The following GRM8 variants were observed in gnomAD, a reference collection of about 807,000 sequenced individuals.
GRM8 encodes metabotropic glutamate receptor 8.
In GRM8, 47 loss-of-function variants were observed where a neutral mutation model predicts 87.2. That is an observed-to-expected ratio of 0.54 (90% confidence interval 0.43 to 0.69). GRM8 has a LOEUF of 0.69. Ranked by LOEUF, GRM8 falls within the 30% of genes least tolerant of loss-of-function variation. GRM8 has a pLI of 0.00. For missense variants in GRM8, 1,019 were observed against 1,139.2 expected, an observed-to-expected ratio of 0.89 and a Z score of 1.52; for synonymous variants, 396 against 404.5, an observed-to-expected ratio of 0.98 and a Z score of 0.25.
chr7:126,603,617 G>C (rs992354042), intron 8 of GRM8, among the ~76,000 whole-genome samples: 1 of 152,058 alleles, frequency 6.6e-6, no homozygotes, highest in African/African-American at 2.4e-5. Flanking sequence ...GGCATTTAAA[G>C]TTCTAACAGA....
At chr7:127,074,609 T>A (rs542882984) in intron 3 of GRM8, among the ~76,000 whole-genome samples, 8 of 152,254 alleles carry the variant, frequency 5.3e-5, no homozygotes, top group African/African-American at 1.9e-4. Context: ...CAGACATGCC[T>A]CTCGAGATAA....
intron 2 of GRM8, among the ~76,000 whole-genome samples, chr7:127,212,608 G>A (rs1442432213): frequency 1.1e-4 from 16 of 151,738 alleles, no homozygotes; most frequent in Admixed American, 1.1e-3. Context: ...TAGTAGAGAC[G>A]GGGTTTCACC....
intron 3 of GRM8, among the ~76,000 whole-genome samples, chr7:127,048,800 A>G (rs1250581954): frequency 6.6e-6 from 1 of 152,246 alleles, no homozygotes; most frequent in East Asian, 1.9e-4. Context: ...TAAGAGTTTC[A>G]TGATTTTAGA....
chr7:126,927,856 C>T (rs1431780133), intron 3 of GRM8, among the ~76,000 whole-genome samples: 2 of 152,120 alleles, frequency 1.3e-5, no homozygotes, highest in East Asian at 3.9e-4. Context: ...ACCCAGCAAT[C>T]CCATTACTGG....
At chr7:126,598,242 A>T (rs1797404292) in intron 8 of GRM8, among the ~76,000 whole-genome samples, 1 of 151,884 alleles carries the variant, frequency 6.6e-6, no homozygotes, top group Non-Finnish European at 1.5e-5. Context: ...TTATAATGAT[A>T]GGTTTTTAAT....
At chr7:126,751,041 T>TACTA (rs1563151476) in intron 7 of GRM8, among the ~76,000 whole-genome samples, 2 of 151,400 alleles carry the variant, frequency 1.3e-5, no homozygotes, top group Non-Finnish European at 3.0e-5. Flanking sequence ...TATCCCTACT[T>TACTA]TATATTATTT....
At chr7:126,848,737 C>T (rs561697704) in intron 6 of GRM8, among the ~76,000 whole-genome samples, 1 of 152,266 alleles carries the variant, frequency 6.6e-6, no homozygotes, top group East Asian at 1.9e-4. Flanking sequence ...AGGAGGATCA[C>T]TTGAGCCCAG....
chr7:126,933,033 G>A lies in GRM8; in HGVS notation c.728-28350C>T, dbSNP rs558526716. 3.9e-5 allele frequency among the ~76,000 whole-genome samples: 6 copies of A among 152,296 alleles called. No individual in the cohort carries two copies. In the South Asian group the frequency reaches 6.2e-4, roughly 16 times the overall value. ...ATCCAGGAAAGGCTAAAACCAGAAT[G>A]AGGATGACTCTGATAGTGAAAAGCC... On this transcript the variant is annotated intron_variant, in intron 3 of 10. Coordinates refer to ENST00000339582, the MANE Select transcript of GRM8 (RefSeq NM_000845.3).
At chr7:126,439,401 A>G (rs1801198837) in intron 10 of GRM8, among the ~76,000 whole-genome samples, 1 of 152,148 alleles carries the variant, frequency 6.6e-6, no homozygotes, top group Non-Finnish European at 1.5e-5. Context: ...GAGCTGAAAA[A>G]TTCCTATCAC....
chr7:126,880,122 A>G (rs986038711), intron 6 of GRM8, among the ~76,000 whole-genome samples: 2 of 152,210 alleles, frequency 1.3e-5, no homozygotes, highest in Admixed American at 6.5e-5. Flanking sequence ...CTCTTGGGTA[A>G]AACATAAACG....
intron 6 of GRM8, among the ~76,000 whole-genome samples, chr7:126,902,267 T>C (rs558198463): frequency 1.3e-3 from 205 of 152,260 alleles, no homozygotes; most frequent in Non-Finnish European, 2.5e-3. Flanking sequence ...TAAAGTACAT[T>C]TTCCAAAGTA....
chr7:126,491,597 CAAT>C (rs1216969098), intron 9 of GRM8, among the ~76,000 whole-genome samples: 2 of 151,970 alleles, frequency 1.3e-5, no homozygotes, highest in African/African-American at 2.4e-5. Flanking sequence ...ATACAAACAA[CAAT>C]GAATGGGAAA....
chr7:127,204,461 CAG>C (rs1327380385), intron 2 of GRM8, among the ~76,000 whole-genome samples: 2 of 152,206 alleles, frequency 1.3e-5, no homozygotes, highest in African/African-American at 2.4e-5. Context: ...GTTCACTTTA[CAG>C]AGTGTTCAGA....
At chr7:126,441,700 T>C (rs1478451311) in intron 10 of GRM8, among the ~76,000 whole-genome samples, 3 of 152,096 alleles carry the variant, frequency 2.0e-5, no homozygotes, top group Non-Finnish European at 4.4e-5. Flanking sequence ...ACAATCAGAC[T>C]CATTCCATCT....
At position 127,076,093 on chromosome 7, in the gene GRM8, G is replaced by C. The variant is rs1000062716; in HGVS notation, c.727+30403C>G. On this transcript the variant is annotated intron_variant, in intron 3 of 10. Transcript: ENST00000339582. ...ATGTAAGAAGAAGAAACTTGAGAAA[G>C]GTGGTCAGTAGAGAGCCTCTTCGAC... 7.5e-5 allele frequency: 33 copies of C among 442,662 alleles called. No individual in the cohort carries two copies. In the Admixed American group the frequency reaches 7.5e-4, roughly 10 times the overall value. The allele number at this position is 442,662 out of a possible 1,614,324, so 27.4% of individuals were successfully genotyped here. A position where few individuals can be genotyped will look rare whatever the true frequency, so the allele number is the denominator to read the frequency against.
chr7:126,787,844 TA>T (rs1820787357), intron 6 of GRM8, among the ~76,000 whole-genome samples: 1 of 152,116 alleles, frequency 6.6e-6, no homozygotes, highest in African/African-American at 2.4e-5. Flanking sequence ...TTAACTAGGG[TA>T]AATTCTACTG....
At chr7:126,768,245 T>G (rs1403525171) in intron 7 of GRM8, among the ~76,000 whole-genome samples, 5 of 149,492 alleles carry the variant, frequency 3.3e-5, no homozygotes, top group Non-Finnish European at 4.4e-5. Context: ...ACCTAAGTTC[T>G]CCAGGAAACT....
chr7:127,027,875 A>G (rs575120529), intron 3 of GRM8, among the ~76,000 whole-genome samples: 46 of 152,262 alleles, frequency 3.0e-4, no homozygotes. Flanking sequence ...TATGTTGAAT[A>G]TGAGTGGTGA....
At chr7:126,777,749 A>C (rs1196241205) in intron 6 of GRM8, among the ~76,000 whole-genome samples, 2 of 152,158 alleles carry the variant, frequency 1.3e-5, no homozygotes, top group Non-Finnish European at 2.9e-5. Flanking sequence ...TTAAAAAGGA[A>C]AAAAGTTTCT....
Sources: allele counts gnomAD v4.1 joint callset (sites outside exome capture counted in the v4.1 genomes callset), GRCh38; gene constraint gnomAD v4.1.1; transcripts MANE v1.5; gene names NCBI Gene and HGNC (gene_info 2026-07-23, HGNC 2026-07-21).